The following PPP2R5A variants were observed in gnomAD, a reference collection of about 807,000 sequenced individuals.
PPP2R5A encodes serine/threonine-protein phosphatase 2A 56 kDa regulatory subunit alpha isoform.
A neutral mutation model predicts 64.2 loss-of-function variants in PPP2R5A; 25 were observed. The ratio of observed to expected loss-of-function variants is 0.39; its 90% CI spans 0.28 to 0.54. The LOEUF is 0.54. PPP2R5A is among the 20% of genes least tolerant of loss of function. PPP2R5A has a pLI of 0.67. For missense variants in PPP2R5A, 425 were observed against 576.3 expected, an observed-to-expected ratio of 0.74 and a Z score of 2.69; for synonymous variants, 198 against 201.2, an observed-to-expected ratio of 0.98 and a Z score of 0.13.
At chr1:212,299,852 C>G (rs912268857) in intron 1 of PPP2R5A, among the ~76,000 whole-genome samples, 4 of 151,194 alleles carry the variant, frequency 2.6e-5, no homozygotes, top group African/African-American at 9.7e-5. Context: ...TCGCTCTGTC[C>G]CCCAGGCTGG....
rs746861411 is a variant in PPP2R5A, at chr1:212,360,780, C to T, written c.*10C>T. On this transcript the variant is annotated 3_prime_UTR_variant, in exon 13 of 13. Coordinates refer to ENST00000261461, the MANE Select transcript of PPP2R5A (RefSeq NM_006243.4). ...TACAAGTGCCGAATAAAAAAAAAGC[C>T]TCCCACCTCTGCCGGATAGGCAGAG... The T allele has an allele frequency of 4.6e-6, 7 of 1,508,676 alleles. No individual in the cohort carries two copies. The highest frequency in any genetic ancestry group is 6.2e-6 in the Non-Finnish European group (7 of 1,134,784). 93.5% of individuals were successfully genotyped at this position (1,508,676 alleles called of 1,614,324 possible).
At chr1:212,342,802 T>C (rs2102441144) in intron 4 of PPP2R5A, among the ~76,000 whole-genome samples, 1 of 152,246 alleles carries the variant, frequency 6.6e-6, no homozygotes, top group Non-Finnish European at 1.5e-5. Context: ...ACAGATAAAG[T>C]GGAATCATTA....
At chr1:212,310,999 T>A (rs2102420097) in intron 1 of PPP2R5A, among the ~76,000 whole-genome samples, 1 of 152,314 alleles carries the variant, frequency 6.6e-6, no homozygotes, top group South Asian at 2.1e-4. Context: ...TACAGTCATG[T>A]GCTGCATAAC....
intron 1 of PPP2R5A, among the ~76,000 whole-genome samples, chr1:212,323,947 C>G (rs978964232): frequency 1.2e-4 from 19 of 152,036 alleles, no homozygotes; most frequent in African/African-American, 4.6e-4. Context: ...TGGTGAGTGC[C>G]TGTAATCCCA....
At chr1:212,357,888 C>T (rs1207203335) in intron 11 of PPP2R5A, 1 of 152,144 alleles carries the variant, frequency 6.6e-6, no homozygotes, top group African/African-American at 2.4e-5. Flanking sequence ...CCTCAAACTC[C>T]TGGGTTCACG....
At chr1:212,339,723 G>A (rs191042769) in intron 3 of PPP2R5A, among the ~76,000 whole-genome samples, 41 of 152,256 alleles carry the variant, frequency 2.7e-4, no homozygotes, top group South Asian at 6.2e-4. Flanking sequence ...AGAGAATTCA[G>A]TCTGATTTGT....
intron 3 of PPP2R5A, among the ~76,000 whole-genome samples, chr1:212,341,421 T>A (rs984970404): frequency 4.6e-5 from 7 of 152,238 alleles, no homozygotes; most frequent in African/African-American, 1.7e-4. Context: ...TTTCTTTTCC[T>A]TTCTTTTTAA....
intron 1 of PPP2R5A, among the ~76,000 whole-genome samples, chr1:212,289,620 T>C (rs964458400): frequency 8.5e-5 from 13 of 152,156 alleles, no homozygotes; most frequent in Admixed American, 2.0e-4. Flanking sequence ...CTAAGTCGTT[T>C]TCCTTATCTG....
chr1:212,349,102 A>T, intron 7 of PPP2R5A, 87 bp from the exon 8 acceptor site: 1 of 758,718 alleles, frequency 1.3e-6, no homozygotes, highest in Non-Finnish European at 1.9e-6. Context: ...AAAATGAGGT[A>T]GTCTAAAAAA....
Position 212,286,160 on chromosome 1 carries a change from C to T in PPP2R5A, c.50C>T (p.Ala17Val). Reference protein sequence around the residue: ...PAGAASAAISASEKVDGFTRK... With the variant: ...PAGAASAAISVSEKVDGFTRK... ...GGGGCTGCCAGCGCCGCCATCTCGG[C>T]CTCGGAGAAAGTGGACGGCTTCACC... The change falls in exon 1 of 13, where the codon GCC becomes GTC. Residue 17 changes from alanine (A) to valine (V), a missense_variant. Ala to Val is a moderately conservative substitution (Grantham distance 64). This residue lies in a region of PPP2R5A where 104 missense variants were observed against 95.7 expected (regional missense o/e 1.09). Coordinates refer to ENST00000261461, the MANE Select transcript of PPP2R5A (RefSeq NM_006243.4). 6.3e-7 allele frequency: 1 copy of T among 1,590,598 alleles called. No homozygotes were observed.
intron 1 of PPP2R5A, among the ~76,000 whole-genome samples, chr1:212,326,548 G>C (rs1659410524): frequency 6.6e-6 from 1 of 152,148 alleles, no homozygotes; most frequent in African/African-American, 2.4e-5. Flanking sequence ...AGTGAGCCAA[G>C]ATCGCGCCAC....
intron 1 of PPP2R5A, among the ~76,000 whole-genome samples, chr1:212,322,056 C>T (rs1387510463): frequency 1.3e-5 from 2 of 151,456 alleles, no homozygotes; most frequent in South Asian, 2.1e-4. Context: ...GGCGTGGCGG[C>T]GCGCGCCTGC....
intron 1 of PPP2R5A, among the ~76,000 whole-genome samples, chr1:212,317,453 G>C (rs1165523448): frequency 6.6e-6 from 1 of 152,184 alleles, no homozygotes; most frequent in Non-Finnish European, 1.5e-5. Context: ...GTGGGATCCT[G>C]AAGTACTTCA....
At chr1:212,351,582 C>T (rs1282246856) in intron 8 of PPP2R5A, among the ~76,000 whole-genome samples, 4 of 152,010 alleles carry the variant, frequency 2.6e-5, no homozygotes, top group Admixed American at 6.6e-5. Context: ...GGCGTGATGG[C>T]GGGCACCTGT....
chr1:212,286,049 C>T lies in PPP2R5A; in HGVS notation c.-62C>T, dbSNP rs1658490081. ...CCTCTCCCCCGCCTCCTCCTGCCGT[C>T]TCCGCCGCTGCCCGTGCCTTGCAAG... On this transcript the variant is annotated 5_prime_UTR_variant, in exon 1 of 13. Transcript: ENST00000261461. 3.5e-6 allele frequency: 5 copies of T among 1,443,784 alleles called. No homozygotes were observed. In the South Asian group the frequency reaches 6.9e-5, roughly 20 times the overall value. The allele number at this position is 1,443,784 out of a possible 1,614,324, so 89.4% of individuals were successfully genotyped here. A position where few individuals can be genotyped will look rare whatever the true frequency, so the allele number is the denominator to read the frequency against.
chr1:212,356,930 A>G lies in PPP2R5A; in HGVS notation c.979-20A>G, dbSNP rs1233084391. The G allele has an allele frequency of 6.7e-7, 1 of 1,493,796 alleles. No homozygotes were observed. Among genetic ancestry groups the G allele is most frequent in the South Asian group, 1.2e-5 (1 of 80,368 alleles). 92.5% of individuals were successfully genotyped at this position (1,493,796 alleles called of 1,614,324 possible). A position where few individuals can be genotyped will look rare whatever the true frequency, so the allele number is the denominator to read the frequency against. On this transcript the variant is annotated intron_variant, in intron 9 of 12. Coordinates refer to ENST00000261461, the MANE Select transcript of PPP2R5A (RefSeq NM_006243.4). ...CACATAATTTATCATGTTTCTTAAA[A>G]TAAAATTTTTTTAACCTAGGTGATG...
At chr1:212,287,408 T>G (rs759060817) in intron 1 of PPP2R5A, among the ~76,000 whole-genome samples, 1 of 152,228 alleles carries the variant, frequency 6.6e-6, no homozygotes, top group Non-Finnish European at 1.5e-5. Context: ...GGTTCTCATT[T>G]GTCTTTGGGC....
chr1:212,344,746 C>A (rs1201796324), intron 4 of PPP2R5A, among the ~76,000 whole-genome samples: 1 of 152,004 alleles, frequency 6.6e-6, no homozygotes, highest in Non-Finnish European at 1.5e-5. Context: ...TTTCTAAAGT[C>A]TCTTCTCTCA....
intron 11 of PPP2R5A, 29 bp from the exon 12 acceptor site, chr1:212,358,657 A>C: frequency 3.3e-6 from 5 of 1,522,292 alleles, no homozygotes; most frequent in Non-Finnish European, 4.5e-6. Context: ...GCAGTATCAT[A>C]ACTCAGGACT....
Sources: allele counts gnomAD v4.1 joint callset (sites outside exome capture counted in the v4.1 genomes callset), GRCh38; gene constraint gnomAD v4.1.1; regional missense constraint gnomAD v4.1.1; transcripts MANE v1.5; gene names NCBI Gene and HGNC (gene_info 2026-07-23, HGNC 2026-07-21).